ZNF737: variants seen among roughly 807,000 people sequenced by gnomAD.
ZNF737 encodes zinc finger protein 102 (Y3).
A neutral mutation model predicts 11.7 loss-of-function variants in ZNF737; 13 were observed. The ratio of observed to expected loss-of-function variants is 1.11; its 90% CI spans 0.73 to 1.77. The LOEUF (loss-of-function observed/expected upper bound fraction) is 1.77, where lower values mean the gene tolerates loss of function less well. Among genes scored for constraint, ZNF737 ranks in the 40% most tolerant of loss-of-function variants. The pLI is 0.00. For synonymous variants in ZNF737, 217 were observed against 216.2 expected, an observed-to-expected ratio of 1.00 and a Z score of -0.03; for missense variants, 636 against 638.0, an observed-to-expected ratio of 1.00 and a Z score of 0.03.
chr19:20,539,086 A>G lies in ZNF737; in HGVS notation c.*5506T>C, dbSNP rs1968093300. 1.3e-6 allele frequency: 1 copy of G among 755,118 alleles called. No homozygotes were observed. The highest frequency in any genetic ancestry group is 1.6e-6 in the Non-Finnish European group (1 of 620,248). The allele number at this position is 755,118 out of a possible 1,614,324, so 46.8% of individuals were successfully genotyped here. A position where few individuals can be genotyped will look rare whatever the true frequency, so the allele number is the denominator to read the frequency against. The stretch of plus-strand genomic sequence containing the variant: ...TGAGGTGGATGGATCACCTGAGGTC[A>G]GGAGTTCAAGACAAGCCTGGCTAAC... On this transcript the variant is annotated 3_prime_UTR_variant, in exon 4 of 4. Coordinates refer to ENST00000427401, the MANE Select transcript of ZNF737 (RefSeq NM_001159293.2).
intron 1 of ZNF737, among the ~76,000 whole-genome samples, chr19:20,562,604 C>T (rs1370448456): frequency 6.6e-6 from 1 of 151,586 alleles, no homozygotes; most frequent in African/African-American, 2.4e-5. Context: ...GTGATCTGCC[C>T]ACCTCAGCCT....
chr19:20,534,062 G>T (rs117945741), downstream of ZNF737, among the ~76,000 whole-genome samples: 690 of 150,246 alleles, frequency 4.6e-3, 33 homozygotes, highest in Non-Finnish European at 6.6e-3. Context: ...TTGCTGATTG[G>T]ATTCTCCTGG....
Position 20,538,008 on chromosome 19 carries a change from T to G in ZNF737, c.*6584A>C. The G allele has an allele frequency of 2.1e-6, 2 of 957,642 alleles. No homozygotes were observed. Among genetic ancestry groups the G allele is most frequent in the Non-Finnish European group, 2.5e-6 (2 of 804,722 alleles). The allele number at this position is 957,642 out of a possible 1,614,324, so 59.3% of individuals were successfully genotyped here. A position where few individuals can be genotyped will look rare whatever the true frequency, so the allele number is the denominator to read the frequency against. ...GAGGCAGAGTAAGATTTATAACATT[T>G]TATTATCATATGGAAGAAGTGTATT... On this transcript the variant is annotated 3_prime_UTR_variant, in exon 4 of 4. Transcript: ENST00000427401.
downstream of ZNF737, among the ~76,000 whole-genome samples, chr19:20,531,241 G>GTGGAGAC (rs1380446526): frequency 2.6e-4 from 21 of 81,164 alleles, no homozygotes; most frequent in Non-Finnish European, 4.4e-4. Flanking sequence ...AGAGGGGAGA[G>GTGGAGAC]GGGAGACGGG....
the ZNF737 span, among the ~76,000 whole-genome samples, chr19:20,530,368 C>A: frequency 6.8e-6 from 1 of 147,694 alleles, no homozygotes; most frequent in Non-Finnish European, 1.5e-5. Flanking sequence ...GGCTGACCCC[C>A]CACCTCCCTC....
At position 20,541,898 on chromosome 19, in the gene ZNF737, A is replaced by G. The variant is rs1968220303; in HGVS notation, c.*2694T>C. On this transcript the variant is annotated 3_prime_UTR_variant, in exon 4 of 4. Coordinates refer to ENST00000427401, the MANE Select transcript of ZNF737 (RefSeq NM_001159293.2). ...CCTTATTTACCATAATGTAATTACT[A>G]CATATTGTAGGCCTGAGTCAAAAGA... 2.4e-6 allele frequency: 1 copy of G among 420,428 alleles called. No individual in the cohort carries two copies. The highest frequency in any genetic ancestry group is 2.2e-5 in the African/African-American group (1 of 46,170). The allele number at this position is 420,428 out of a possible 1,614,324, so 26.0% of individuals were successfully genotyped here.
In ZNF737 at chr19:20,544,390, A is replaced by G. The variant is rs1037122466; in HGVS notation, c.*202T>C. Reference sequence around the variant, plus strand: ...ATTATCTTATGTCTAGTAAGGGCAGAGGTGTCCTTAAAGGCTTTGCTGCAT... The same window carrying G: ...ATTATCTTATGTCTAGTAAGGGCAGGGGTGTCCTTAAAGGCTTTGCTGCAT... On this transcript the variant is annotated 3_prime_UTR_variant, in exon 4 of 4. Coordinates refer to ENST00000427401, the MANE Select transcript of ZNF737 (RefSeq NM_001159293.2). The G allele has an allele frequency of 1.4e-4, 197 of 1,427,922 alleles. No homozygotes were observed. The highest frequency in any genetic ancestry group is 1.6e-4 in the Non-Finnish European group (175 of 1,097,236). 88.5% of individuals were successfully genotyped at this position (1,427,922 alleles called of 1,614,324 possible).
intron 2 of ZNF737, 108 bp from the exon 3 acceptor site, chr19:20,552,678 C>T (rs1968727480): frequency 3.0e-6 from 2 of 671,108 alleles, no homozygotes; most frequent in South Asian, 2.8e-5. Flanking sequence ...AAATTAATAC[C>T]AAAATACAAA....
In ZNF737 at chr19:20,542,083, T is replaced by C; in HGVS notation, c.*2509A>G. 6.1e-6 allele frequency: 6 copies of C among 985,250 alleles called. No individual in the cohort carries two copies. The highest frequency in any genetic ancestry group is 6.0e-6 in the Non-Finnish European group (5 of 829,760). 61.0% of individuals were successfully genotyped at this position (985,250 alleles called of 1,614,324 possible). On this transcript the variant is annotated 3_prime_UTR_variant, in exon 4 of 4. Transcript: ENST00000427401. ...GATTACTAAAGATGTTATTTTACAA[T>C]GTATGAAATAGTATATTCCTACAAT...
In ZNF737 at chr19:20,565,771, G is replaced by A; in HGVS notation, c.-131C>T. ...AGTGAAGACAAGACCTGGAGCTCCGGCTGCAGAGACAAAGGCCCCGCAAAA... is the reference window on the plus strand; with the variant it reads ...AGTGAAGACAAGACCTGGAGCTCCGACTGCAGAGACAAAGGCCCCGCAAAA... On this transcript the variant is annotated 5_prime_UTR_variant, in exon 1 of 4. Coordinates refer to ENST00000427401, the MANE Select transcript of ZNF737 (RefSeq NM_001159293.2). 1 of 1,475,852 alleles carries A rather than the reference G, an allele frequency of 6.8e-7. No homozygotes were observed. Among genetic ancestry groups the A allele is most frequent in the Admixed American group, 1.7e-5 (1 of 59,454 alleles). 91.4% of individuals were successfully genotyped at this position (1,475,852 alleles called of 1,614,324 possible).
In ZNF737 at chr19:20,544,986, A is replaced by C; in HGVS notation, c.1217T>G (p.Phe406Cys). ...PYKCEECGEA[F>C]KYSSSLTTHK... ...TGTAGTAAGGGAAGAGGAGTACTTAAAGGCTTCGCCACATTCTTCACATTT... is the reference window on the plus strand; with the variant it reads ...TGTAGTAAGGGAAGAGGAGTACTTACAGGCTTCGCCACATTCTTCACATTT... The change falls in exon 4 of 4, where the codon TTT becomes TGT. Residue 406 changes from phenylalanine (F) to cysteine (C), a missense_variant. Phe to Cys is a radical substitution (Grantham distance 205, BLOSUM62 -2). Transcript: ENST00000427401. 1.9e-6 allele frequency: 3 copies of C among 1,613,266 alleles called. No individual in the cohort carries two copies. In the South Asian group the frequency reaches 3.3e-5, roughly 18 times the overall value.
chr19:20,536,514 C>T (rs1373128488), downstream of ZNF737, among the ~76,000 whole-genome samples: 1 of 152,150 alleles, frequency 6.6e-6, no homozygotes, highest in Non-Finnish European at 1.5e-5. Context: ...GCTATTGCTA[C>T]TTTAACAATA....
At chr19:20,535,923 A>T, downstream of ZNF737, 1 of 239,286 alleles carries the variant, frequency 4.2e-6, no homozygotes, top group Non-Finnish European at 6.8e-6. Flanking sequence ...AAAATCCCCT[A>T]TAAGGTTTTT....
downstream of ZNF737, among the ~76,000 whole-genome samples, chr19:20,534,459 ATC>A (rs1185917358): frequency 2.6e-5 from 3 of 117,154 alleles, no homozygotes; most frequent in African/African-American, 5.7e-5. Context: ...AAAAATATCT[ATC>A]TATCTATCTA....
In ZNF737 at chr19:20,541,474, A is replaced by C. The variant is rs992447512; in HGVS notation, c.*3118T>G. 1.1e-6 allele frequency: 1 copy of C among 895,316 alleles called. No homozygotes were observed. Among genetic ancestry groups the C allele is most frequent in the African/African-American group, 1.8e-5 (1 of 54,736 alleles). The allele number at this position is 895,316 out of a possible 1,614,324, so 55.5% of individuals were successfully genotyped here. ...TTTTATTTTATTTTTTGAGATGGAG[A>C]CTCACTCTGTCAGCCAGGCTGGAGT... On this transcript the variant is annotated 3_prime_UTR_variant, in exon 4 of 4. Coordinates refer to ENST00000427401, the MANE Select transcript of ZNF737 (RefSeq NM_001159293.2).
intron 1 of ZNF737, among the ~76,000 whole-genome samples, chr19:20,564,728 T>C (rs762156629): frequency 5.0e-4 from 76 of 151,452 alleles, no homozygotes; most frequent in Non-Finnish European, 9.6e-4. Flanking sequence ...ATGTGGAAAA[T>C]GCCAGGGAAA....
rs532145178 is a variant in ZNF737 at position 20,538,847 on chromosome 19, G to A, written c.*5745C>T. 5.0e-5 allele frequency: 49 copies of A among 984,736 alleles called. No individual in the cohort carries two copies. The highest frequency in any genetic ancestry group is 6.2e-5 in the Admixed American group (1 of 16,248). 61.0% of individuals were successfully genotyped at this position (984,736 alleles called of 1,614,324 possible). ...TATTTTTTAGCAACTAATGGCATCTGTTACCCATTAATTTTATACATTTGC... is the reference window on the plus strand; with the variant it reads ...TATTTTTTAGCAACTAATGGCATCTATTACCCATTAATTTTATACATTTGC... On this transcript the variant is annotated 3_prime_UTR_variant, in exon 4 of 4. Coordinates refer to ENST00000427401, the MANE Select transcript of ZNF737 (RefSeq NM_001159293.2).
In ZNF737 at chr19:20,545,097, T is replaced by C. The variant is rs112899579; in HGVS notation, c.1106A>G (p.Tyr369Cys). 0.051 allele frequency: 82,477 copies of C among 1,611,154 alleles called. 2,490 individuals are homozygous for C. The highest frequency in any genetic ancestry group is 0.11 in the African/African-American group (8,185 of 74,732). Residue 369 changes from tyrosine (Y) to cysteine (C), a missense_variant, in exon 4 of 4, where the codon TAC (tyrosine) becomes TGC (cysteine). Coordinates refer to ENST00000427401, the MANE Select transcript of ZNF737 (RefSeq NM_001159293.2). ...GGCTTTGCCACATTCTTCACATTTG[T>C]AGGGTTTCTCTCCACTATGAATTAT... ...HKIIHSGEKP[Y>C]KCEECGKAFN...
At position 20,538,210 on chromosome 19, in the gene ZNF737, A is replaced by T. The variant is rs377328791; in HGVS notation, c.*6382T>A. ...TCTTAAATATCTGCTAAGCACAATT[A>T]AAAAATCAATGTACTTTATGTTCTT... On this transcript the variant is annotated 3_prime_UTR_variant, in exon 4 of 4. Coordinates refer to ENST00000427401, the MANE Select transcript of ZNF737 (RefSeq NM_001159293.2). 1 of 173,236 alleles carries T rather than the reference A, an allele frequency of 5.8e-6. No individual in the cohort carries two copies. The highest frequency in any genetic ancestry group is 1.1e-5 in the Non-Finnish European group (1 of 87,334). The allele number at this position is 173,236 out of a possible 1,614,324, so 10.7% of individuals were successfully genotyped here. A position where few individuals can be genotyped will look rare whatever the true frequency, so the allele number is the denominator to read the frequency against.
Sources: gnomAD v4.1 joint callset for allele counts (sites outside exome capture counted in the v4.1 genomes callset) on GRCh38, gnomAD v4.1.1 for gene constraint, MANE v1.5 for transcripts, NCBI Gene and HGNC (gene_info 2026-07-23, HGNC 2026-07-21) for gene names.